CLDN16: variants seen among roughly 807,000 people sequenced by gnomAD.
CLDN16 encodes claudin-16.
A neutral mutation model predicts 24.6 loss-of-function variants in CLDN16; 13 were observed. The observed-to-expected ratio is 0.53, with a 90% CI of 0.34 to 0.84. CLDN16 has a LOEUF of 0.84. Ranked by LOEUF, CLDN16 falls within the 40% of genes least tolerant of loss-of-function variation. The pLI is 0.01. For synonymous variants in CLDN16, 116 were observed against 106.7 expected, an observed-to-expected ratio of 1.09 and a Z score of -0.54; for missense variants, 298 against 292.7, an observed-to-expected ratio of 1.02 and a Z score of -0.13.
At chr3:190,359,452 T>C (rs900728305) in intron 1 of CLDN16, among the ~76,000 whole-genome samples, 2 of 152,086 alleles carry the variant, frequency 1.3e-5, no homozygotes, top group Non-Finnish European at 2.9e-5. Flanking sequence ...GCAGCTTTAT[T>C]GCAATCCTAC....
the CLDN16 span, among the ~76,000 whole-genome samples, chr3:190,311,694 C>G: frequency 1.3e-5 from 2 of 150,432 alleles, no homozygotes; most frequent in Non-Finnish European, 3.0e-5. Context: ...ATTATTATAG[C>G]TGTATAATTT....
chr3:190,385,570 A>ATT (rs11398966), upstream of CLDN16, among the ~76,000 whole-genome samples: 407 of 150,672 alleles, frequency 2.7e-3, 1 homozygote, highest in African/African-American at 6.9e-3. Flanking sequence ...TATAGTCTAG[A>ATT]TTTTTTTTTT....
At chr3:190,311,248 A>G in the CLDN16 span, among the ~76,000 whole-genome samples, 2 of 152,206 alleles carry the variant, frequency 1.3e-5, no homozygotes, top group Admixed American at 1.3e-4. Flanking sequence ...GGAAGAATGC[A>G]ATGCATTTCA....
intron 3 of CLDN16, among the ~76,000 whole-genome samples, chr3:190,379,999 A>ATCTG (rs1718326602): frequency 6.6e-6 from 1 of 151,726 alleles, no homozygotes; most frequent in Non-Finnish European, 1.5e-5. Flanking sequence ...CTATCTATCT[A>ATCTG]TCTATCTATC....
At chr3:190,302,833 G>C in the CLDN16 span, among the ~76,000 whole-genome samples, 3 of 150,404 alleles carry the variant, frequency 2.0e-5, no homozygotes, top group African/African-American at 4.9e-5. Context: ...TAGAAAGTAT[G>C]TCTGGTAAGA....
intron 1 of CLDN16, among the ~76,000 whole-genome samples, chr3:190,358,861 A>G (rs558582837): frequency 1.3e-5 from 2 of 152,150 alleles, no homozygotes; most frequent in African/African-American, 4.8e-5. Flanking sequence ...GTAGTTACTG[A>G]AAGATATAAT....
the CLDN16 span, among the ~76,000 whole-genome samples, chr3:190,300,630 T>C: frequency 7.2e-5 from 11 of 152,200 alleles, no homozygotes; most frequent in Non-Finnish European, 1.3e-4. Context: ...TCTCTGGTCA[T>C]TTACAGAAAA....
the CLDN16 span, chr3:190,313,078 C>G: frequency 6.8e-6 from 11 of 1,611,232 alleles, no homozygotes; most frequent in African/African-American, 1.3e-5. Flanking sequence ...TATGCTTGGA[C>G]CAACAAGAGA....
chr3:190,321,528 A>G (rs576479059), upstream of CLDN16, among the ~76,000 whole-genome samples: 66 of 152,244 alleles, frequency 4.3e-4, no homozygotes, highest in Non-Finnish European at 8.5e-4. Context: ...TTAAAAAGTT[A>G]TATCTAATAC....
At chr3:190,356,698 A>T (rs554651813) in intron 1 of CLDN16, among the ~76,000 whole-genome samples, 1 of 152,044 alleles carries the variant, frequency 6.6e-6, no homozygotes, top group Non-Finnish European at 1.5e-5. Flanking sequence ...GAAGAAATAA[A>T]GTTTTATCTT....
intron 1 of CLDN16, among the ~76,000 whole-genome samples, chr3:190,389,671 G>T (rs1174816328): frequency 1.4e-5 from 2 of 139,518 alleles, no homozygotes; most frequent in East Asian, 4.2e-4. Flanking sequence ...CTATAAGTGA[G>T]CCCAGTGATG....
chr3:190,373,301 T>G (rs1310332289), intron 2 of CLDN16, among the ~76,000 whole-genome samples: 1 of 151,972 alleles, frequency 6.6e-6, no homozygotes, highest in Non-Finnish European at 1.5e-5. Context: ...CCCTCATTCA[T>G]CCTCAGGGAG....
intron 1 of CLDN16, among the ~76,000 whole-genome samples, chr3:190,367,515 T>A (rs1718048253): frequency 6.6e-6 from 1 of 151,976 alleles, no homozygotes; most frequent in African/African-American, 2.4e-5. Context: ...AAGGAATATA[T>A]AATATATTAG....
upstream of CLDN16, among the ~76,000 whole-genome samples, chr3:190,386,725 G>A (rs571350059): frequency 7.2e-5 from 11 of 152,276 alleles, no homozygotes; most frequent in East Asian, 2.1e-3. Context: ...GGGTGGTACT[G>A]TAGACCCTAT....
At chr3:190,367,202 T>C (rs931638612) in intron 1 of CLDN16, among the ~76,000 whole-genome samples, 2 of 152,102 alleles carry the variant, frequency 1.3e-5, no homozygotes, top group Admixed American at 1.3e-4. Context: ...TACTGTCTAC[T>C]CTGATAACTC....
chr3:190,359,625 C>G (rs1319550175), intron 1 of CLDN16, among the ~76,000 whole-genome samples: 2 of 151,962 alleles, frequency 1.3e-5, no homozygotes, highest in Admixed American at 1.3e-4. Context: ...CAATAAAACC[C>G]TGTTCCTTAC....
At chr3:190,313,403 A>G in the CLDN16 span, among the ~76,000 whole-genome samples, 7 of 152,378 alleles carry the variant, frequency 4.6e-5, no homozygotes, top group African/African-American at 1.4e-4. Flanking sequence ...AATTTTAAGT[A>G]ACAATCATAT....
chr3:190,345,398 T>TA (rs1717529027), intron 1 of CLDN16, among the ~76,000 whole-genome samples: 1 of 152,178 alleles, frequency 6.6e-6, no homozygotes, highest in Non-Finnish European at 1.5e-5. Context: ...TCACTGCACT[T>TA]ATGGAATTTG....
chr3:190,301,629 T>C, the CLDN16 span, among the ~76,000 whole-genome samples: 1 of 152,214 alleles, frequency 6.6e-6, no homozygotes, highest in Admixed American at 6.5e-5. Context: ...CCTATGAATT[T>C]CTTAGGCAAA....
Sources: allele counts gnomAD v4.1 joint callset (sites outside exome capture counted in the v4.1 genomes callset), GRCh38; gene constraint gnomAD v4.1.1; transcripts MANE v1.5; gene names NCBI Gene and HGNC (gene_info 2026-07-23, HGNC 2026-07-21).